Variants in PCDHGA12 observed in about 807,000 individuals in gnomAD.
PCDHGA12 encodes protocadherin gamma-A12.
In PCDHGA12, 43 loss-of-function variants were observed where a neutral mutation model predicts 61.1. The observed-to-expected ratio is 0.70, with a 90% confidence interval of 0.55 to 0.91. PCDHGA12 has a LOEUF of 0.91. Ranked by LOEUF, PCDHGA12 falls within the 40% of genes least tolerant of loss-of-function variation. The pLI is 0.00. For missense variants in PCDHGA12, 1,236 were observed against 1,227.7 expected (o/e 1.01, Z -0.10); for synonymous variants, 520 against 542.9 (o/e 0.96, Z 0.59).
intron 1 of PCDHGA12, among the ~76,000 whole-genome samples, chr5:141,459,742 T>C (rs2098974738): frequency 6.6e-6 from 1 of 152,248 alleles, no homozygotes; most frequent in Non-Finnish European, 1.5e-5. Context: ...TTTTAAATTT[T>C]AGCAATTCTA....
At position 141,511,520 on chromosome 5, in the gene PCDHGA12, A is replaced by C; in HGVS notation, c.*347A>C. On this transcript the variant is annotated 3_prime_UTR_variant, in exon 4 of 4. Coordinates refer to ENST00000252085, the MANE Select transcript of PCDHGA12 (RefSeq NM_003735.3). Reference sequence around the variant, plus strand: ...CAAATCAATCAGGCCCATCCATCCCATGCCTCCCTCCTCCCCACCCCACTC... The same window carrying C: ...CAAATCAATCAGGCCCATCCATCCCCTGCCTCCCTCCTCCCCACCCCACTC... The C allele has an allele frequency of 2.8e-6, 1 of 358,498 alleles. No homozygotes were observed. Among genetic ancestry groups the C allele is most frequent in the Non-Finnish European group, 5.3e-6 (1 of 189,848 alleles). 22.2% of individuals were successfully genotyped at this position (358,498 alleles called of 1,614,324 possible).
In PCDHGA12 at chr5:141,487,598, C is replaced by T. The variant is rs1450685717; in HGVS notation, c.2425-7209C>T. 6.2e-7 allele frequency: 1 copy of T among 1,614,210 alleles called. No homozygotes were observed. The highest frequency in any genetic ancestry group is 8.5e-7 in the Non-Finnish European group (1 of 1,180,046). ...TCGCCCAAGCTGCCCACCCTCTGAT[C>T]TTCTCTATGGGCTAGAGGTGAGACC... is the stretch of plus-strand genomic sequence containing the variant. On this transcript the variant is annotated intron_variant, in intron 1 of 3. Transcript: ENST00000252085. The surrounding 1 kb of genome is among the most constrained non-coding windows in gnomAD (Gnocchi z 5.0).
At chr5:141,451,812 C>T (rs974567828) in intron 1 of PCDHGA12, among the ~76,000 whole-genome samples, 1 of 149,686 alleles carries the variant, frequency 6.7e-6, no homozygotes, top group Non-Finnish European at 1.5e-5. Context: ...ACCCAGGAGG[C>T]GGAGGTTACA....
In PCDHGA12 at chr5:141,478,301, G is replaced by C. The variant is rs778427815; in HGVS notation, c.2425-16506G>C. ...GAAGCAGTCTAGAGACCTATACCGA[G>C]CCCCGGTGAGCTCACTGTACCGAAC... On this transcript the variant is annotated intron_variant, in intron 1 of 3. Coordinates refer to ENST00000252085, the MANE Select transcript of PCDHGA12 (RefSeq NM_003735.3). 2.5e-6 allele frequency: 4 copies of C among 1,614,074 alleles called. No individual in the cohort carries two copies. In the South Asian group the frequency reaches 4.4e-5, roughly 18 times the overall value.
rs145288114 is a variant in PCDHGA12 at position 141,477,334 on chromosome 5, C to T, written c.2425-17473C>T. On this transcript the variant is annotated intron_variant, in intron 1 of 3. Coordinates refer to ENST00000252085, the MANE Select transcript of PCDHGA12 (RefSeq NM_003735.3). This position sits in a 1 kb window ranked among gnomAD's most constrained non-coding sequence, Gnocchi z 4.9. ...GCCTTACTTCTTCCCTCAAGAATTA[C>T]TTCACTTTGAAAACCAGTGCAGACC... is the stretch of plus-strand genomic sequence containing the variant. 1.3e-4 allele frequency: 215 copies of T among 1,614,074 alleles called. No homozygotes were observed. Among genetic ancestry groups the T allele is most frequent in the Non-Finnish European group, 1.8e-4 (210 of 1,180,044 alleles).
chr5:141,508,045 T>A (rs985875804), intron 3 of PCDHGA12: 1 of 152,264 alleles, frequency 6.6e-6, no homozygotes, highest in Non-Finnish European at 1.5e-5. Flanking sequence ...GCCAGCTGTG[T>A]TCCAGCTAAT....
intron 1 of PCDHGA12, among the ~76,000 whole-genome samples, chr5:141,484,796 C>A (rs987893041): frequency 1.3e-5 from 2 of 151,304 alleles, no homozygotes; most frequent in African/African-American, 4.9e-5. Flanking sequence ...GATAACAACC[C>A]GTGGAAAAAC....
intron 1 of PCDHGA12, among the ~76,000 whole-genome samples, chr5:141,454,626 G>A (rs1206050863): frequency 6.6e-6 from 1 of 151,304 alleles, no homozygotes; most frequent in African/African-American, 2.4e-5. Flanking sequence ...GGCTGGTCTC[G>A]AACCCCCAAC....
chr5:141,434,889 A>C (rs1213631251), intron 1 of PCDHGA12, among the ~76,000 whole-genome samples: 2 of 151,512 alleles, frequency 1.3e-5, no homozygotes, highest in African/African-American at 4.8e-5. Context: ...ACAACAATCC[A>C]GTCCCCTTCC....
chr5:141,512,712 A>G lies in PCDHGA12; in HGVS notation c.*1539A>G, dbSNP rs1362654237. 1 of 152,806 alleles carries G rather than the reference A, an allele frequency of 6.5e-6. No homozygotes were observed. The highest frequency in any genetic ancestry group is 2.4e-5 in the African/African-American group (1 of 41,414). 9.5% of individuals were successfully genotyped at this position (152,806 alleles called of 1,614,324 possible). On this transcript the variant is annotated 3_prime_UTR_variant, in exon 4 of 4. Coordinates refer to ENST00000252085, the MANE Select transcript of PCDHGA12 (RefSeq NM_003735.3). Reference sequence around the variant, plus strand: ...GTGTAGTGCGGTGTGCTTTTACGTGATGGCGGGTGGGCAGCGGGCGGCGGG... The same window carrying G: ...GTGTAGTGCGGTGTGCTTTTACGTGGTGGCGGGTGGGCAGCGGGCGGCGGG...
At chr5:141,479,671 G>A (rs1484965995) in intron 1 of PCDHGA12, 1 of 152,196 alleles carries the variant, frequency 6.6e-6, no homozygotes, top group Non-Finnish European at 1.5e-5. Flanking sequence ...AACTACAAAA[G>A]GAGAGTCTTT....
chr5:141,492,471 C>T (rs937691695), intron 1 of PCDHGA12, among the ~76,000 whole-genome samples: 8 of 152,240 alleles, frequency 5.3e-5, no homozygotes, highest in Non-Finnish European at 1.0e-4. Flanking sequence ...GGTCCCAGAT[C>T]GCGGCCGCCC....
rs142172414 is a variant in PCDHGA12, at chr5:141,477,145, G to A, written c.2425-17662G>A. On this transcript the variant is annotated intron_variant, in intron 1 of 3. Coordinates refer to ENST00000252085, the MANE Select transcript of PCDHGA12 (RefSeq NM_003735.3). The surrounding 1 kb of genome is among the most constrained non-coding windows in gnomAD (Gnocchi z 4.9). ...ATTGCAAAGTGTTGGTGGAGGTTGT[G>A]GATGTGAATGACAACGCCCCGGAGA... The A allele has an allele frequency of 3.7e-6, 6 of 1,614,054 alleles. No homozygotes were observed. The African/African-American group carries it at 8.0e-5, about 22-fold the overall frequency.
At position 141,505,451 on chromosome 5, in the gene PCDHGA12, C is replaced by T. The variant is rs1350424069; in HGVS notation, c.2542C>T (p.Leu848=). Residue 848 remains leucine (L), a synonymous_variant, in exon 3 of 4, where the codon CTG becomes TTG. Transcript: ENST00000252085. The part of the protein sequence containing the change: ...WPNNQFDTEM[L]QAMILASASE... ...CAACAACCAGTTTGACACAGAGATG[C>T]TGCAAGCCATGATCTTGGCGTCCGC... The T allele has an allele frequency of 1.2e-6, 2 of 1,614,222 alleles. No individual in the cohort carries two copies. The highest frequency in any genetic ancestry group is 1.7e-6 in the Non-Finnish European group (2 of 1,180,048).
chr5:141,485,362 G>T lies in PCDHGA12; in HGVS notation c.2425-9445G>T. 6.2e-7 allele frequency: 1 copy of T among 1,614,144 alleles called. No individual in the cohort carries two copies. ...ATACGGACAGTCTGTCAGCTCGCAG[G>T]CTGCAGGTCGCTGGAGAGGTGAACC... is the stretch of plus-strand genomic sequence containing the variant. On this transcript the variant is annotated intron_variant, in intron 1 of 3. Coordinates refer to ENST00000252085, the MANE Select transcript of PCDHGA12 (RefSeq NM_003735.3). The surrounding 1 kb of genome is among the most constrained non-coding windows in gnomAD (Gnocchi z 5.7).
Position 141,477,849 on chromosome 5 carries a change from A to G in PCDHGA12, c.2425-16958A>G. ...CCTCGGCCAGGTGGGAGCTCGGTGGAGATGCTGCCTCGAGGTACCTCAGCT... is the reference window on the plus strand; with the variant it reads ...CCTCGGCCAGGTGGGAGCTCGGTGGGGATGCTGCCTCGAGGTACCTCAGCT... On this transcript the variant is annotated intron_variant, in intron 1 of 3. Transcript: ENST00000252085. This position sits in a 1 kb window ranked among gnomAD's most constrained non-coding sequence, Gnocchi z 4.9. The G allele has an allele frequency of 6.8e-6, 11 of 1,612,812 alleles. No individual in the cohort carries two copies. Among genetic ancestry groups the G allele is most frequent in the Non-Finnish European group, 8.5e-6 (10 of 1,179,548 alleles).
chr5:141,439,673 C>G (rs1468476569), intron 1 of PCDHGA12, among the ~76,000 whole-genome samples: 1 of 152,174 alleles, frequency 6.6e-6, no homozygotes, highest in Non-Finnish European at 1.5e-5. Flanking sequence ...AATGCAAATC[C>G]AAGAGCAGAC....
At chr5:141,435,214 A>T (rs1314928643) in intron 1 of PCDHGA12, among the ~76,000 whole-genome samples, 1 of 152,176 alleles carries the variant, frequency 6.6e-6, no homozygotes, top group Non-Finnish European at 1.5e-5. Context: ...AAGTGAATTT[A>T]CTTTCTTTCA....
chr5:141,432,991 CG>C lies in PCDHGA12; in HGVS notation c.2236del (p.Val746CysfsTer23). 1.9e-6 allele frequency: 3 copies of C among 1,614,200 alleles called. No homozygotes were observed. Among genetic ancestry groups the C allele is most frequent in the Non-Finnish European group, 2.5e-6 (3 of 1,180,030 alleles). On this transcript the variant is annotated frameshift_variant, in exon 1 of 4. Transcript: ENST00000252085. LOFTEE classifies it high-confidence loss of function. This position sits in a 1 kb window ranked among gnomAD's most constrained non-coding sequence, Gnocchi z 6.0. ...CGGCGTCGCACTTTGTGGGCGTGGACGGGGTGCAGGCTTTCCTGCAGACCTA... is the reference window on the plus strand; with the variant it reads ...CGGCGTCGCACTTTGTGGGCGTGGACGGGTGCAGGCTTTCCTGCAGACCTA... Reference protein sequence around the residue: ...APASHFVGVDGVQAFLQTYSH... With the variant: ...APASHFVGVDXVQAFLQTYSH...
Sources: allele counts gnomAD v4.1 joint callset (sites outside exome capture counted in the v4.1 genomes callset), GRCh38; gene constraint gnomAD v4.1.1; non-coding constraint Gnocchi (gnomAD v3.1); transcripts MANE v1.5; gene names NCBI Gene and HGNC (gene_info 2026-07-23, HGNC 2026-07-21).